ANKS1B: variants seen among roughly 807,000 people sequenced by gnomAD.
ANKS1B encodes the protein ankyrin repeat and sterile alpha motif domain-containing protein 1B.
ANKS1B carries 36 observed loss-of-function variants against 148.3 expected under a neutral mutation model. The ratio of observed to expected loss-of-function variants is 0.24; its 90% CI spans 0.19 to 0.32. The LOEUF is 0.32. ANKS1B is among the 10% of genes least tolerant of loss of function. The probability of loss-of-function intolerance (pLI) is 1.00; values close to 1 mark genes in which losing one functional copy is unlikely to be tolerated. For missense variants in ANKS1B, 1,157 were observed against 1,542.6 expected (o/e 0.75, Z 4.19); for synonymous variants, 542 against 560.8 (o/e 0.97, Z 0.47).
At chr12:99,969,327 C>T (rs1467712014) in intron 1 of ANKS1B, among the ~76,000 whole-genome samples, 8 of 152,138 alleles carry the variant, frequency 5.3e-5, no homozygotes, top group Middle Eastern at 3.4e-3. Context: ...TATAGGTATG[C>T]GCTACCACAC....
intron 17 of ANKS1B, among the ~76,000 whole-genome samples, chr12:98,951,557 C>T (rs775631043): frequency 7.2e-5 from 11 of 152,120 alleles, no homozygotes; most frequent in Non-Finnish European, 1.2e-4. Flanking sequence ...AGCCCTGACT[C>T]GGTAGCCTGG....
At chr12:99,552,886 T>C (rs918071551) in intron 9 of ANKS1B, among the ~76,000 whole-genome samples, 4 of 152,186 alleles carry the variant, frequency 2.6e-5, no homozygotes, top group Non-Finnish European at 5.9e-5. Context: ...TTATACTATA[T>C]TGTTTAGGGA....
chr12:98,830,296 T>C (rs777148137), intron 18 of ANKS1B, among the ~76,000 whole-genome samples: 9 of 151,760 alleles, frequency 5.9e-5, no homozygotes, highest in Non-Finnish European at 1.2e-4. Context: ...TTCTAAGGGG[T>C]GAAATTTCTA....
intron 17 of ANKS1B, among the ~76,000 whole-genome samples, chr12:98,976,206 T>G (rs1368297364): frequency 6.6e-6 from 1 of 152,154 alleles, no homozygotes; most frequent in Non-Finnish European, 1.5e-5. Context: ...GAGGAACTAA[T>G]TCCTAAAGCT....
chr12:98,831,940 C>T (rs1380172264), intron 18 of ANKS1B, 89 bp downstream of exon 18: 2 of 1,225,736 alleles, frequency 1.6e-6, no homozygotes, highest in South Asian at 1.3e-5. Flanking sequence ...TCAGTAGAGG[C>T]AGGGTCTCAC....
chr12:99,806,184 T>C (rs1433490105), intron 4 of ANKS1B, among the ~76,000 whole-genome samples: 1 of 152,204 alleles, frequency 6.6e-6, no homozygotes, highest in East Asian at 1.9e-4. Context: ...TACTAACTTC[T>C]CATGTGTATA....
intron 11 of ANKS1B, among the ~76,000 whole-genome samples, chr12:99,428,142 T>C (rs2152739605): frequency 6.6e-6 from 1 of 152,132 alleles, no homozygotes; most frequent in East Asian, 1.9e-4. Context: ...ATTGGGTGAG[T>C]AGGGTATCCT....
chr12:99,954,162 G>C (rs1230357405), intron 1 of ANKS1B, among the ~76,000 whole-genome samples: 1 of 152,098 alleles, frequency 6.6e-6, no homozygotes, highest in African/African-American at 2.4e-5. Context: ...CAAGTGATCA[G>C]AATAAAATAT....
chr12:99,234,171 A>T (rs1003724097), intron 14 of ANKS1B, among the ~76,000 whole-genome samples: 3 of 152,142 alleles, frequency 2.0e-5, no homozygotes, highest in Non-Finnish European at 2.9e-5. Flanking sequence ...GACAACACAT[A>T]CTACATAAAA....
intron 12 of ANKS1B, among the ~76,000 whole-genome samples, chr12:99,385,066 A>G (rs1222596163): frequency 6.6e-6 from 1 of 152,230 alleles, no homozygotes; most frequent in Admixed American, 6.5e-5. Flanking sequence ...CAACCACAGT[A>G]GCTCATATGC....
At chr12:99,381,287 C>T (rs1259837203) in intron 12 of ANKS1B, among the ~76,000 whole-genome samples, 2 of 152,062 alleles carry the variant, frequency 1.3e-5, no homozygotes, top group Non-Finnish European at 1.5e-5. Context: ...ACAACTGAGT[C>T]GAATGGTCAA....
intron 22 of ANKS1B, among the ~76,000 whole-genome samples, chr12:98,790,395 C>T (rs1488533648): frequency 1.3e-5 from 2 of 152,136 alleles, no homozygotes; most frequent in African/African-American, 2.4e-5. Flanking sequence ...GTTAATATAG[C>T]ATCTACATTT....
intron 1 of ANKS1B, among the ~76,000 whole-genome samples, chr12:99,964,766 C>T (rs1238898839): frequency 6.6e-6 from 1 of 152,108 alleles, no homozygotes; most frequent in Non-Finnish European, 1.5e-5. Context: ...AGATTATTCC[C>T]CTGTAGATGC....
At position 99,062,759 on chromosome 12, in the gene ANKS1B, G is replaced by A. The variant is rs139065899; in HGVS notation, c.2626-9450C>T. 3.3e-3 allele frequency among the ~76,000 whole-genome samples: 502 copies of A among 152,222 alleles called. 3 individuals are homozygous for A. The highest frequency in any genetic ancestry group is 5.4e-3 in the Non-Finnish European group (364 of 68,016). On this transcript the variant is annotated intron_variant, in intron 16 of 26. Coordinates refer to ENST00000683438, the MANE Select transcript of ANKS1B (RefSeq NM_001352186.2). ...CACATGGAAAGGGGTAAAGAAATGA[G>A]GACTCAGGGTTGAGAAGGGTCAGAG...
At chr12:99,505,764 CAATT>C (rs994163318) in intron 9 of ANKS1B, among the ~76,000 whole-genome samples, 2 of 151,612 alleles carry the variant, frequency 1.3e-5, no homozygotes, top group African/African-American at 4.8e-5. Flanking sequence ...ATGAAATTCA[CAATT>C]AATCATATTT....
At chr12:99,186,951 A>G (rs1318442581) in intron 14 of ANKS1B, among the ~76,000 whole-genome samples, 1 of 150,698 alleles carries the variant, frequency 6.6e-6, no homozygotes. Flanking sequence ...CATGTTCTAA[A>G]TGAATTGCTA....
At chr12:98,996,931 G>T (rs2099930038) in intron 17 of ANKS1B, among the ~76,000 whole-genome samples, 1 of 150,804 alleles carries the variant, frequency 6.6e-6, no homozygotes, top group Non-Finnish European at 1.5e-5. Context: ...CTGTTTGGTT[G>T]CTGGGTAGTA....
At position 99,490,010 on chromosome 12, in the gene ANKS1B, A is replaced by AAT. The variant is rs539387109; in HGVS notation, c.1438+14464_1438+14465dup. Reference sequence around the variant, plus strand: ...TTAAATATACAGCTCTGGATGTAATAATAGTCTTTGAACCTTCTTGAATCC... The same window carrying AAT: ...TTAAATATACAGCTCTGGATGTAATAATATAGTCTTTGAACCTTCTTGAATCC... On this transcript the variant is annotated intron_variant, in intron 10 of 26. Transcript: ENST00000683438. 3.6e-3 allele frequency among the ~76,000 whole-genome samples: 550 copies of AAT among 152,322 alleles called. 4 individuals carry two copies. The highest frequency in any genetic ancestry group is 6.8e-3 in the Middle Eastern group (2 of 294).
intron 17 of ANKS1B, among the ~76,000 whole-genome samples, chr12:98,925,385 A>G (rs1270651867): frequency 1.1e-4 from 16 of 152,204 alleles, no homozygotes; most frequent in Admixed American, 1.0e-3. Context: ...TTCATAAATG[A>G]CAAATCTGCT....
Sources: gnomAD v4.1 joint callset for allele counts (sites outside exome capture counted in the v4.1 genomes callset) on GRCh38, gnomAD v4.1.1 for gene constraint, MANE v1.5 for transcripts, NCBI Gene and HGNC (gene_info 2026-07-23, HGNC 2026-07-21) for gene names.